Variants in ADAMTS3 observed in about 807,000 individuals in gnomAD.
The protein encoded by ADAMTS3 is ADAM metallopeptidase with thrombospondin type 1 motif 3, also known as A disintegrin and metalloproteinase with thrombospondin motifs 3.
A neutral mutation model predicts 129.0 loss-of-function variants in ADAMTS3; 73 were observed. The ratio of observed to expected loss-of-function variants is 0.57; its 90% CI spans 0.47 to 0.69. The LOEUF (loss-of-function observed/expected upper bound fraction) is 0.69. Among genes scored for constraint, ADAMTS3 ranks in the 30% least tolerant of loss-of-function variants. The pLI is 0.00. For missense variants in ADAMTS3, 1,457 were observed against 1,514.5 expected (o/e 0.96, Z 0.63); for synonymous variants, 477 against 510.8 (o/e 0.93, Z 0.89).
At chr4:72,388,167 A>C (rs1459691595) in intron 4 of ADAMTS3, among the ~76,000 whole-genome samples, 1 of 152,182 alleles carries the variant, frequency 6.6e-6, no homozygotes, top group African/African-American at 2.4e-5. Context: ...CATGTGACAG[A>C]CACAACCGCA....
At chr4:72,548,913 C>T (rs1332408471) in intron 2 of ADAMTS3, 29 bp from the exon 3 acceptor site, 3 of 1,583,204 alleles carry the variant, frequency 1.9e-6, no homozygotes, top group East Asian at 2.2e-5. Context: ...AACTGTCAAA[C>T]CCTGTACAAT....
intron 4 of ADAMTS3, among the ~76,000 whole-genome samples, chr4:72,366,657 A>T (rs1720876426): frequency 6.6e-6 from 1 of 152,194 alleles, no homozygotes; most frequent in African/African-American, 2.4e-5. Flanking sequence ...TGGTGGGGAC[A>T]TTAGTCCTCT....
intron 3 of ADAMTS3, among the ~76,000 whole-genome samples, chr4:72,505,217 T>G (rs1198546446): frequency 1.3e-5 from 2 of 152,138 alleles, no homozygotes; most frequent in African/African-American, 4.8e-5. Flanking sequence ...TATTTTCATG[T>G]GGGTAGGATT....
At chr4:72,341,124 G>A (rs7698311) in intron 4 of ADAMTS3, among the ~76,000 whole-genome samples, 5,668 of 152,190 alleles carry the variant, frequency 0.037, 356 homozygotes, top group African/African-American at 0.13. Context: ...TCTTTTGGCT[G>A]GGAAGGTTGA....
chr4:72,302,981 G>C (rs2109787153), intron 17 of ADAMTS3, among the ~76,000 whole-genome samples: 1 of 152,270 alleles, frequency 6.6e-6, no homozygotes, highest in Admixed American at 6.5e-5. Flanking sequence ...TATACATCCA[G>C]TTGTTTTTAA....
chr4:72,557,234 G>T (rs925451886), intron 2 of ADAMTS3, among the ~76,000 whole-genome samples: 8 of 151,822 alleles, frequency 5.3e-5, no homozygotes, highest in Non-Finnish European at 8.8e-5. Context: ...GTAAGAGAAT[G>T]ACTTTCATCA....
At chr4:72,496,280 G>A (rs1248504022) in intron 3 of ADAMTS3, among the ~76,000 whole-genome samples, 1 of 152,174 alleles carries the variant, frequency 6.6e-6, no homozygotes, top group African/African-American at 2.4e-5. Context: ...TAAATTAAGT[G>A]TTCCTACTTT....
At chr4:72,486,278 C>G (rs982606588) in intron 3 of ADAMTS3, among the ~76,000 whole-genome samples, 1 of 152,184 alleles carries the variant, frequency 6.6e-6, no homozygotes, top group African/African-American at 2.4e-5. Flanking sequence ...TTATCCAGTT[C>G]TAATGTACTC....
chr4:72,557,219 C>T (rs1436530048), intron 2 of ADAMTS3, among the ~76,000 whole-genome samples: 1 of 151,674 alleles, frequency 6.6e-6, no homozygotes, highest in Non-Finnish European at 1.5e-5. Context: ...AATCCTGAGC[C>T]AAGAGTAAGA....
Position 72,400,400 on chromosome 4 carries a change from ATG to A in ADAMTS3, c.661+14413_661+14414del, listed in dbSNP as rs1476022272. On this transcript the variant is annotated intron_variant, in intron 4 of 21. Transcript: ENST00000286657. ...TGTGTATATATACGTGTGCATAGAT[ATG>A]CACACGGTGTGTATATATACGTGTG... Among the ~76,000 whole-genome samples, 16 of 116,050 alleles carry A rather than the reference ATG, an allele frequency of 1.4e-4. 1 individual carries two copies. Among genetic ancestry groups the A allele is most frequent in the African/African-American group, 4.6e-4 (14 of 30,126 alleles). The allele number at this position is 116,050 out of a possible 152,430, so 76.1% of individuals were successfully genotyped here.
intron 4 of ADAMTS3, among the ~76,000 whole-genome samples, 163 bp from the exon 5 acceptor site, chr4:72,339,856 T>A (rs1560478799): frequency 1.3e-5 from 2 of 152,176 alleles, no homozygotes; most frequent in Non-Finnish European, 2.9e-5. Flanking sequence ...ATGCATACGA[T>A]CAGACAGACC....
intron 4 of ADAMTS3, among the ~76,000 whole-genome samples, chr4:72,364,637 G>A (rs1315516978): frequency 6.6e-6 from 1 of 151,204 alleles, no homozygotes; most frequent in Non-Finnish European, 1.5e-5. Context: ...ATCAATAAAT[G>A]TTGTTCATAA....
At chr4:72,321,346 T>G (rs1051932222) in intron 6 of ADAMTS3, among the ~76,000 whole-genome samples, 13 of 99,324 alleles carry the variant, frequency 1.3e-4, no homozygotes, top group Non-Finnish European at 2.5e-4. Context: ...TTTTTTTTTG[T>G]TTTTTTTTGT....
At chr4:72,395,724 T>C (rs548534317) in intron 4 of ADAMTS3, among the ~76,000 whole-genome samples, 67 of 152,342 alleles carry the variant, frequency 4.4e-4, no homozygotes, top group African/African-American at 1.6e-3. Context: ...TAGTTCTCTT[T>C]ATTACAGTCT....
chr4:72,413,597 C>T (rs1722232454), intron 4 of ADAMTS3, among the ~76,000 whole-genome samples: 1 of 151,870 alleles, frequency 6.6e-6, no homozygotes, highest in Non-Finnish European at 1.5e-5. Flanking sequence ...TCATTAAGCA[C>T]CTATTTTTGT....
At chr4:72,352,740 A>G (rs771220164) in intron 4 of ADAMTS3, among the ~76,000 whole-genome samples, 1 of 152,054 alleles carries the variant, frequency 6.6e-6, no homozygotes, top group Non-Finnish European at 1.5e-5. Context: ...ATGGATTTTA[A>G]AAGATGCACA....
Position 72,295,711 on chromosome 4 carries a change from T to C in ADAMTS3, c.2666A>G (p.Asn889Ser), listed in dbSNP as rs749050257. 35 of 1,612,958 alleles carry C rather than the reference T, an allele frequency of 2.2e-5. No individual in the cohort carries two copies. Among genetic ancestry groups the C allele is most frequent in the Admixed American group, 1.2e-4 (7 of 59,956 alleles). ...KMVHRSFCEA[N>S]KKPKPIRRMC... ...TCGTCTAATAGGTTTCGGCTTTTTGTTGGCCTCACAGAAGCTGCGATGGAC... is the reference window on the plus strand; with the variant it reads ...TCGTCTAATAGGTTTCGGCTTTTTGCTGGCCTCACAGAAGCTGCGATGGAC... The change falls in exon 19 of 22, where the codon AAC becomes AGC. Residue 889 changes from asparagine to serine, a missense_variant. Coordinates refer to ENST00000286657, the MANE Select transcript of ADAMTS3 (RefSeq NM_014243.3).
At chr4:72,416,172 A>AATATATATATACATATATGT (rs1553913388) in intron 3 of ADAMTS3, among the ~76,000 whole-genome samples, 4 of 146,076 alleles carry the variant, frequency 2.7e-5, no homozygotes, top group African/African-American at 5.0e-5. Flanking sequence ...AGCAAATATA[A>AATATATATATACATATATGT]ATATAAATAT....
chr4:72,460,794 A>T (rs539066167), intron 3 of ADAMTS3, among the ~76,000 whole-genome samples: 3 of 151,656 alleles, frequency 2.0e-5, no homozygotes, highest in African/African-American at 4.8e-5. Context: ...TACCACTATA[A>T]AATTGTGTCA....
Sources: gnomAD v4.1 joint callset for allele counts (sites outside exome capture counted in the v4.1 genomes callset) on GRCh38, gnomAD v4.1.1 for gene constraint, MANE v1.5 for transcripts, NCBI Gene and HGNC (gene_info 2026-07-23, HGNC 2026-07-21) for gene names.